SEMA3A: variants seen among roughly 807,000 people sequenced by gnomAD.
The protein encoded by SEMA3A is semaphorin-3A.
A neutral mutation model predicts 97.9 loss-of-function variants in SEMA3A; 29 were observed. The observed-to-expected ratio is 0.30, with a 90% CI of 0.22 to 0.40. The LOEUF (loss-of-function observed/expected upper bound fraction) is 0.40, where lower values mean the gene tolerates loss of function less well. Ranked by LOEUF, SEMA3A falls within the 10% of genes least tolerant of loss-of-function variation. The pLI is 1.00. For missense variants in SEMA3A, 763 were observed against 951.3 expected (o/e 0.80, Z 2.60); for synonymous variants, 321 against 323.7 (o/e 0.99, Z 0.09).
At chr7:84,201,991 A>G (rs1401346398) in intron 3 of SEMA3A, among the ~76,000 whole-genome samples, 1 of 152,196 alleles carries the variant, frequency 6.6e-6, no homozygotes. Context: ...GTGTTCTCAC[A>G]TACACTTTGC....
At chr7:84,133,822 G>A (rs1434200876) in intron 2 of SEMA3A, among the ~76,000 whole-genome samples, 6 of 150,270 alleles carry the variant, frequency 4.0e-5, no homozygotes, top group East Asian at 2.0e-4. Flanking sequence ...AGGCCAAGGC[G>A]GGCGGATCAC....
intron 1 of SEMA3A, among the ~76,000 whole-genome samples, chr7:84,391,785 A>G (rs1010032783): frequency 1.3e-5 from 2 of 152,080 alleles, no homozygotes; most frequent in African/African-American, 4.8e-5. Context: ...AGCTTGAGCA[A>G]CATGGCAAAA....
At chr7:84,194,360 G>A (rs1798146373) in intron 1 of SEMA3A, 115 bp downstream of exon 1, 4 of 670,900 alleles carry the variant, frequency 6.0e-6, no homozygotes, top group Non-Finnish European at 1.1e-5. Context: ...TAATCACGTC[G>A]GTTTACCAGG....
Position 83,958,519 on chromosome 7 carries a change from C to T in SEMA3A, c.*2852G>A, listed in dbSNP as rs183962282. 7 of 152,560 alleles carry T rather than the reference C, an allele frequency of 4.6e-5. No individual in the cohort carries two copies. The East Asian group carries it at 7.7e-4, about 17-fold the overall frequency. The allele number at this position is 152,560 out of a possible 1,614,324, so 9.5% of individuals were successfully genotyped here. ...AAAAAACATGCTTATTGAACGGGCA[C>T]GCACCTTCCGCCCTTAAATAGTACA... On this transcript the variant is annotated 3_prime_UTR_variant, in exon 17 of 17. Coordinates refer to ENST00000265362, the MANE Select transcript of SEMA3A (RefSeq NM_006080.3).
intron 1 of SEMA3A, among the ~76,000 whole-genome samples, chr7:84,438,443 G>A (rs1340435291): frequency 1.3e-5 from 2 of 152,046 alleles, no homozygotes; most frequent in Non-Finnish European, 2.9e-5. Flanking sequence ...AATAATTATA[G>A]TATGTGTGCT....
intron 1 of SEMA3A, among the ~76,000 whole-genome samples, chr7:84,176,118 C>G (rs1797558725): frequency 6.6e-6 from 1 of 152,088 alleles, no homozygotes; most frequent in South Asian, 2.1e-4. Flanking sequence ...TTTAATAATA[C>G]AATAATCTTG....
intron 3 of SEMA3A, among the ~76,000 whole-genome samples, chr7:84,242,249 T>G (rs1799381658): frequency 6.6e-6 from 1 of 152,212 alleles, no homozygotes. Context: ...TACTGATTCT[T>G]TCTGTCTATG....
chr7:84,480,032 A>G (rs555091659), intron 1 of SEMA3A, among the ~76,000 whole-genome samples: 7 of 152,342 alleles, frequency 4.6e-5, no homozygotes, highest in South Asian at 2.1e-4. Flanking sequence ...TATTTAAGGC[A>G]TACTGCATCA....
chr7:84,474,401 G>T (rs962100251), intron 1 of SEMA3A, among the ~76,000 whole-genome samples: 1 of 152,164 alleles, frequency 6.6e-6, no homozygotes, highest in Non-Finnish European at 1.5e-5. Context: ...TACGCAGATT[G>T]TGTAGTTCCC....
chr7:83,992,750 A>G (rs1481308556), intron 12 of SEMA3A, among the ~76,000 whole-genome samples: 2 of 151,996 alleles, frequency 1.3e-5, no homozygotes, highest in African/African-American at 4.8e-5. Flanking sequence ...TATGTGGTCA[A>G]TTTTGGAATA....
At chr7:84,443,428 T>C (rs918231760) in intron 1 of SEMA3A, among the ~76,000 whole-genome samples, 11 of 152,182 alleles carry the variant, frequency 7.2e-5, no homozygotes, top group African/African-American at 2.7e-4. Flanking sequence ...GTGCTGTGAA[T>C]CTAACCATGT....
At chr7:83,970,108 G>A (rs1788858205) in intron 15 of SEMA3A, among the ~76,000 whole-genome samples, 1 of 152,118 alleles carries the variant, frequency 6.6e-6, no homozygotes, top group Non-Finnish European at 1.5e-5. Context: ...ATAATTGAGA[G>A]CAACAAAACA....
chr7:84,193,315 T>C (rs967844359), intron 1 of SEMA3A, among the ~76,000 whole-genome samples: 1 of 151,988 alleles, frequency 6.6e-6, no homozygotes, highest in Non-Finnish European at 1.5e-5. Flanking sequence ...ATGTTCCCCA[T>C]CATATGAGAA....
intron 4 of SEMA3A, among the ~76,000 whole-genome samples, chr7:84,102,721 C>T (rs7808725): frequency 0.42 from 64,042 of 150,732 alleles, 14,717 homozygotes; most frequent in Admixed American, 0.52. Flanking sequence ...GCTGGGATTA[C>T]AGATGCCCGC....
At chr7:84,127,195 G>A (rs145150664) in intron 3 of SEMA3A, among the ~76,000 whole-genome samples, 1 of 151,974 alleles carries the variant, frequency 6.6e-6, no homozygotes, top group East Asian at 2.0e-4. Flanking sequence ...GCTTGGTCCA[G>A]TTTTCACAAG....
intron 3 of SEMA3A, among the ~76,000 whole-genome samples, chr7:84,301,685 G>A (rs564365671): frequency 2.0e-5 from 3 of 152,204 alleles, no homozygotes; most frequent in Admixed American, 6.5e-5. Flanking sequence ...ACTCAATTCT[G>A]CCTTTGTAAT....
intron 1 of SEMA3A, among the ~76,000 whole-genome samples, chr7:84,160,467 T>C (rs1796995569): frequency 1.3e-5 from 2 of 152,224 alleles, no homozygotes; most frequent in African/African-American, 2.4e-5. Flanking sequence ...GGAGAACCAC[T>C]TGACCCAAGA....
chr7:83,988,061 A>C (rs1205290167), intron 12 of SEMA3A, among the ~76,000 whole-genome samples: 2 of 152,088 alleles, frequency 1.3e-5, no homozygotes, highest in African/African-American at 4.8e-5. Context: ...AAACCCCATT[A>C]TGCCTTGGAA....
At chr7:83,965,647 TATATATATATATA>T (rs1562943448) in intron 15 of SEMA3A, among the ~76,000 whole-genome samples, 6 of 10,786 alleles carry the variant, frequency 5.6e-4, no homozygotes, top group Admixed American at 8.1e-4. Context: ...TATATATATA[TATATATATATATA>T]TATATATTTT....
Sources: gnomAD v4.1 joint callset for allele counts (sites outside exome capture counted in the v4.1 genomes callset) on GRCh38, gnomAD v4.1.1 for gene constraint, MANE v1.5 for transcripts, NCBI Gene and HGNC (gene_info 2026-07-23, HGNC 2026-07-21) for gene names.